The following FAM110B variants were observed in gnomAD, a reference collection of about 807,000 sequenced individuals.
The protein encoded by FAM110B is protein FAM110B.
Under a neutral mutation model 20.4 loss-of-function variants are expected in FAM110B, and 6 were observed. The ratio of observed to expected loss-of-function variants is 0.29; its 90% CI spans 0.16 to 0.58. The LOEUF is 0.58. FAM110B is among the 20% of genes least tolerant of loss of function. The pLI, the probability that FAM110B is intolerant of heterozygous loss-of-function variation, is 0.90. For missense variants in FAM110B, 434 were observed against 498.2 expected (o/e 0.87, Z 1.23); for synonymous variants, 226 against 214.1 (o/e 1.06, Z -0.49).
chr8:58,079,929 C>G (rs1403422749), intron 3 of FAM110B, among the ~76,000 whole-genome samples: 1 of 152,146 alleles, frequency 6.6e-6, no homozygotes, highest in East Asian at 1.9e-4. Context: ...TTACAAAGAT[C>G]AGCAGAGAGG....
At chr8:58,080,008 A>T (rs752537528) in intron 3 of FAM110B, among the ~76,000 whole-genome samples, 9 of 152,158 alleles carry the variant, frequency 5.9e-5, no homozygotes, top group Non-Finnish European at 1.2e-4. Flanking sequence ...TGGAGACGTT[A>T]TGTGCAGTTT....
At chr8:58,015,525 C>T in intron 1 of FAM110B, among the ~76,000 whole-genome samples, 1 of 151,854 alleles carries the variant, frequency 6.6e-6, no homozygotes, top group South Asian at 2.1e-4. Context: ...GTAAAAGTGC[C>T]CTCAGTTAAC....
At chr8:58,014,760 GT>G (rs1020208663) in intron 1 of FAM110B, among the ~76,000 whole-genome samples, 1 of 152,004 alleles carries the variant, frequency 6.6e-6, no homozygotes, top group Non-Finnish European at 1.5e-5. Context: ...TTATGATTTG[GT>G]TTTGGGGTTA....
At chr8:58,035,141 G>C (rs1805050588) in intron 2 of FAM110B, among the ~76,000 whole-genome samples, 1 of 152,090 alleles carries the variant, frequency 6.6e-6, no homozygotes, top group Non-Finnish European at 1.5e-5. Context: ...GGATTTTTAT[G>C]AAATTTAAAA....
Position 58,147,295 on chromosome 8 carries a change from A to G in FAM110B, c.1065A>G (p.Leu355=). The change falls in exon 4 of 4, where the codon TTA becomes TTG. Residue 355 remains leucine (L), a synonymous_variant. Transcript: ENST00000519262. The part of the protein sequence containing the change: ...IERNARIIKW[L]YSIKQARESQ... ...GAAATGCTAGAATCATCAAGTGGTTATATAGCATCAAACAAGCTAGAGAGT... is the reference window on the plus strand; with the variant it reads ...GAAATGCTAGAATCATCAAGTGGTTGTATAGCATCAAACAAGCTAGAGAGT... The G allele has an allele frequency of 6.2e-7, 1 of 1,614,184 alleles. No individual in the cohort carries two copies. The highest frequency in any genetic ancestry group is 8.5e-7 in the Non-Finnish European group (1 of 1,180,020).
At chr8:58,134,402 A>G (rs1377846070) in intron 3 of FAM110B, among the ~76,000 whole-genome samples, 2 of 152,338 alleles carry the variant, frequency 1.3e-5, no homozygotes, top group East Asian at 1.9e-4. Flanking sequence ...TTTGCCTTAT[A>G]TTGGAGATTA....
chr8:58,014,086 A>G (rs1386722321), intron 1 of FAM110B, among the ~76,000 whole-genome samples: 1 of 152,022 alleles, frequency 6.6e-6, no homozygotes, highest in Non-Finnish European at 1.5e-5. Context: ...CCAAACTAGA[A>G]CTGTCAGACC....
intron 3 of FAM110B, among the ~76,000 whole-genome samples, chr8:58,123,807 G>A (rs975427182): frequency 5.9e-5 from 9 of 152,154 alleles, no homozygotes; most frequent in Admixed American, 3.9e-4. Flanking sequence ...CGTAGCTGTC[G>A]TGATTTAGAT....
At chr8:58,043,803 C>T (rs1805266258) in intron 2 of FAM110B, among the ~76,000 whole-genome samples, 2 of 152,136 alleles carry the variant, frequency 1.3e-5, no homozygotes, top group South Asian at 2.1e-4. Flanking sequence ...GAGGTAGGTT[C>T]TGTTATTATG....
At chr8:58,035,202 A>T (rs1392492476) in intron 2 of FAM110B, among the ~76,000 whole-genome samples, 2 of 152,236 alleles carry the variant, frequency 1.3e-5, no homozygotes, top group Admixed American at 1.3e-4. Flanking sequence ...CTCATTAGAC[A>T]ATATTTTTTA....
At chr8:58,138,740 C>A (rs1178003091) in intron 3 of FAM110B, among the ~76,000 whole-genome samples, 1 of 152,224 alleles carries the variant, frequency 6.6e-6, no homozygotes, top group Non-Finnish European at 1.5e-5. Flanking sequence ...CTTGGAGGAT[C>A]CTGTCACAAC....
At chr8:58,073,199 C>T (rs1447671375) in intron 2 of FAM110B, among the ~76,000 whole-genome samples, 1 of 152,128 alleles carries the variant, frequency 6.6e-6, no homozygotes, top group Non-Finnish European at 1.5e-5. Flanking sequence ...AAATAGAAGG[C>T]ACAGTCCCTT....
chr8:58,066,037 C>A (rs953133913), intron 2 of FAM110B, among the ~76,000 whole-genome samples: 1 of 152,090 alleles, frequency 6.6e-6, no homozygotes, highest in Non-Finnish European at 1.5e-5. Context: ...ATATGAGAAC[C>A]ATGTTCTGGC....
At chr8:58,057,062 T>G (rs765309358) in intron 2 of FAM110B, among the ~76,000 whole-genome samples, 1 of 152,234 alleles carries the variant, frequency 6.6e-6, no homozygotes, top group Non-Finnish European at 1.5e-5. Context: ...CATTAAGTGC[T>G]GCAGAGTGTA....
At chr8:58,067,428 C>T (rs577231237) in intron 2 of FAM110B, among the ~76,000 whole-genome samples, 10 of 152,318 alleles carry the variant, frequency 6.6e-5, no homozygotes, top group Non-Finnish European at 1.3e-4. Context: ...CAAACAAACC[C>T]TTTCCTCCTC....
At chr8:58,073,224 C>T (rs1374225381) in intron 2 of FAM110B, among the ~76,000 whole-genome samples, 2 of 152,094 alleles carry the variant, frequency 1.3e-5, no homozygotes, top group Non-Finnish European at 2.9e-5. Context: ...TAAGAAGTGA[C>T]TACTGAGGAA....
intron 2 of FAM110B, among the ~76,000 whole-genome samples, chr8:58,037,947 T>C (rs1805121838): frequency 6.6e-6 from 1 of 152,228 alleles, no homozygotes; most frequent in African/African-American, 2.4e-5. Context: ...GTTTGGAGTC[T>C]ATCAGCTGAA....
chr8:58,133,842 A>G (rs1280701485), intron 3 of FAM110B, among the ~76,000 whole-genome samples: 1 of 152,184 alleles, frequency 6.6e-6, no homozygotes, highest in Non-Finnish European at 1.5e-5. Context: ...CTTTCCTTTC[A>G]AGGAGCTTAA....
Position 58,147,181 on chromosome 8 carries a change from C to A in FAM110B, c.951C>A (p.Asp317Glu). The change falls in exon 4 of 4, where the codon GAC becomes GAA. Residue 317 changes from aspartate to glutamate, a missense_variant. Physicochemically the swap from Asp to Glu is conservative, Grantham distance 45. Around this residue, in one of 3 missense-constraint regions of FAM110B, gnomAD observed 94 missense variants for 137.8 expected, o/e 0.68. Transcript: ENST00000519262. The part of the protein sequence containing the change: ...NFRSASMISS[D>E]CEQSQDSNSD... ...GCAGCGCAAGCATGATCAGCTCAGA[C>A]TGTGAACAGTCTCAGGACAGTAACA... 1 of 1,614,198 alleles carries A rather than the reference C, an allele frequency of 6.2e-7. No homozygotes were observed. Among genetic ancestry groups the A allele is most frequent in the Non-Finnish European group, 8.5e-7 (1 of 1,180,046 alleles).
Sources: gnomAD v4.1 joint callset for allele counts (sites outside exome capture counted in the v4.1 genomes callset) on GRCh38, gnomAD v4.1.1 for gene constraint, gnomAD v4.1.1 regional missense constraint, MANE v1.5 for transcripts, NCBI Gene and HGNC (gene_info 2026-07-23, HGNC 2026-07-21) for gene names.